The following RPL3 variants were observed in gnomAD, a reference collection of about 807,000 sequenced individuals.
RPL3 encodes large ribosomal subunit protein uL3.
In RPL3, 3 loss-of-function variants were observed where a neutral mutation model predicts 46.0. That is an observed-to-expected ratio of 0.07 (90% CI 0.03 to 0.17). The LOEUF (loss-of-function observed/expected upper bound fraction) is 0.17. Among genes scored for constraint, RPL3 ranks in the 10% least tolerant of loss-of-function variants. The pLI is 1.00. For synonymous variants in RPL3, 224 were observed against 190.8 expected (o/e 1.17, Z -1.43); for missense variants, 387 against 532.7 (o/e 0.73, Z 2.69).
Position 39,318,512 on chromosome 22 carries a change from C to T in RPL3, c.84G>A (p.Lys28=), listed in dbSNP as rs1294629090. Residue 28 remains lysine, a synonymous_variant, in exon 2 of 10, where the codon AAG becomes AAA. Coordinates refer to ENST00000216146, the MANE Select transcript of RPL3 (RefSeq NM_000967.4). Reference sequence around the variant, plus strand: ...GGTCATCCTTAGGGAAGCTCTTCACCTTCCCACGATGCCTGCTGCTGCGCT... The same window carrying T: ...GGTCATCCTTAGGGAAGCTCTTCACTTTCCCACGATGCCTGCTGCTGCGCT... ...PRKRSSRHRG[K]VKSFPKDDPS... 3.1e-6 allele frequency: 5 copies of T among 1,613,906 alleles called. No individual in the cohort carries two copies. Among genetic ancestry groups the T allele is most frequent in the Non-Finnish European group, 4.2e-6 (5 of 1,179,936 alleles).
At chr22:39,315,855 G>A (rs756036907) in intron 4 of RPL3, among the ~76,000 whole-genome samples, 1 of 152,206 alleles carries the variant, frequency 6.6e-6, no homozygotes, top group African/African-American at 2.4e-5. Context: ...CTTTGGGTCA[G>A]TTCCTTTTGG....
chr22:39,316,058 G>A (rs1462541435), intron 4 of RPL3, among the ~76,000 whole-genome samples: 1 of 152,176 alleles, frequency 6.6e-6, no homozygotes, highest in Admixed American at 6.5e-5. Context: ...TGACCAACAT[G>A]GAGAAACCCC....
intron 9 of RPL3, 46 bp downstream of exon 9, chr22:39,313,145 G>A: frequency 6.2e-7 from 1 of 1,600,538 alleles, no homozygotes; most frequent in Non-Finnish European, 8.5e-7. Context: ...GCAGGCGGCT[G>A]CCCAAGCCAC....
At position 39,313,697 on chromosome 22, in the gene RPL3, A is replaced by G. The variant is rs1922499957; in HGVS notation, c.984T>C (p.Asn328=). 1 of 1,614,130 alleles carries G rather than the reference A, an allele frequency of 6.2e-7. No homozygotes were observed. Among genetic ancestry groups the G allele is most frequent in the Non-Finnish European group, 8.5e-7 (1 of 1,180,036 alleles). ...CACAGCCTTTCAGCATGACAAAGTCATTGGTCACTTCACCATAGTGGACAA... is the reference window on the plus strand; with the variant it reads ...CACAGCCTTTCAGCATGACAAAGTCGTTGGTCACTTCACCATAGTGGACAA... ...GGFVHYGEVT[N]DFVMLKGCVV... is the part of the protein sequence containing the mutation. The change falls in exon 8 of 10, where the codon AAT becomes AAC. Residue 328 remains asparagine, a synonymous_variant. Coordinates refer to ENST00000216146, the MANE Select transcript of RPL3 (RefSeq NM_000967.4).
rs1308485411 is a variant in RPL3 at position 39,319,329 on chromosome 22, G to A, written c.3+266C>T. The A allele has an allele frequency of 2.2e-5, 13 of 593,626 alleles. No individual in the cohort carries two copies. The East Asian group carries it at 3.1e-4, about 14-fold the overall frequency. The allele number at this position is 593,626 out of a possible 1,614,324, so 36.8% of individuals were successfully genotyped here. ...AGGTCGAAACTTAGAAATGACTCAT[G>A]GCTTTAAAAACGCCGGGCCTCCAAG... On this transcript the variant is annotated intron_variant, in intron 1 of 9. Transcript: ENST00000216146.
intron 1 of RPL3, 43 bp downstream of exon 1, chr22:39,319,552 C>T: frequency 6.4e-7 from 1 of 1,559,130 alleles, no homozygotes; most frequent in Non-Finnish European, 8.7e-7. Flanking sequence ...TTCAGCCGTG[C>T]CGACGCCGGT....
chr22:39,318,265 T>A (rs1922827371), intron 2 of RPL3, 135 bp downstream of exon 2: 10 of 804,806 alleles, frequency 1.2e-5, no homozygotes, highest in South Asian at 8.8e-5. Context: ...CATTCTGCTG[T>A]CGCAGCAGTT....
At chr22:39,318,302 A>G in intron 2 of RPL3, 98 bp downstream of exon 2, 1 of 1,340,052 alleles carries the variant, frequency 7.5e-7, no homozygotes. Context: ...CCTGCTTAAA[A>G]AAAAAAGTCT....
chr22:39,314,509 A>G (rs1014361648), intron 6 of RPL3, 177 bp downstream of exon 6: 9 of 795,824 alleles, frequency 1.1e-5, no homozygotes, highest in Middle Eastern at 3.8e-4. Context: ...GCCACTCTAC[A>G]GGATGGCACC....
chr22:39,313,406 C>CAATT, intron 8 of RPL3, 96 bp from the exon 9 acceptor site: 2 of 1,557,040 alleles, frequency 1.3e-6, no homozygotes, highest in Non-Finnish European at 1.7e-6. Context: ...GCCACACGAT[C>CAATT]AATTCAGCCT....
intron 3 of RPL3, 52 bp from the exon 4 acceptor site, chr22:39,316,893 C>G: frequency 1.2e-6 from 2 of 1,612,894 alleles, no homozygotes; most frequent in Non-Finnish European, 1.7e-6. Flanking sequence ...GCCTTCATCA[C>G]CCCTCCGAGG....
intron 8 of RPL3, 84 bp from the exon 9 acceptor site, chr22:39,313,394 A>G: frequency 1.3e-6 from 2 of 1,576,116 alleles, no homozygotes; most frequent in Non-Finnish European, 1.7e-6. Flanking sequence ...TGCATCTGGG[A>G]AGCCACACGA....
rs1922576659 is a variant in RPL3, at chr22:39,314,835, G to A, written c.700C>T (p.Arg234Cys). Residue 234 changes from arginine to cysteine, a missense_variant, in exon 6 of 10, where the codon CGT becomes TGT. Transcript: ENST00000216146. ...CGGGGCAGCTTCTTGGTGTGCCAAC[G>A]ACTGGTGACCCCTGGAATGGATACA... ...KGKGYKGVTS[R>C]WHTKKLPRKT... The A allele has an allele frequency of 2.5e-6, 4 of 1,613,540 alleles. No homozygotes were observed. The highest frequency in any genetic ancestry group is 3.4e-6 in the Non-Finnish European group (4 of 1,179,832).
intron 2 of RPL3, chr22:39,318,006 A>G: frequency 2.9e-6 from 1 of 340,508 alleles, no homozygotes; most frequent in Non-Finnish European, 5.5e-6. Flanking sequence ...CAGTGCTGTT[A>G]GACATCTCTA....
At chr22:39,318,697 G>T in intron 1 of RPL3, 105 bp from the exon 2 acceptor site, 1 of 946,740 alleles carries the variant, frequency 1.1e-6, no homozygotes, top group Non-Finnish European at 1.5e-6. Context: ...GAAGAATCCT[G>T]ACCAGACACC....
chr22:39,317,191 T>C (rs766777721), intron 3 of RPL3: 32 of 564,814 alleles, frequency 5.7e-5, no homozygotes, highest in Non-Finnish European at 9.1e-5. Context: ...ATTATTCTGC[T>C]ACCTCTCCTG....
intron 4 of RPL3, among the ~76,000 whole-genome samples, chr22:39,316,196 G>T (rs1464893101): frequency 6.6e-6 from 1 of 151,378 alleles, no homozygotes. Context: ...CTGAGATAGG[G>T]CTATTGCACT....
intron 8 of RPL3, 28 bp downstream of exon 8, chr22:39,313,606 C>A: frequency 6.2e-7 from 1 of 1,604,576 alleles, no homozygotes; most frequent in Non-Finnish European, 8.5e-7. Context: ...ACAAGAGCCC[C>A]CCCATGACAA....
chr22:39,314,303 T>C, intron 6 of RPL3, 95 bp from the exon 7 acceptor site: 3 of 1,074,754 alleles, frequency 2.8e-6, no homozygotes, highest in East Asian at 4.8e-5. Flanking sequence ...AGAAGGCAGC[T>C]GAGGCCTCAG....
Sources: gnomAD v4.1 joint callset for allele counts (sites outside exome capture counted in the v4.1 genomes callset) on GRCh38, gnomAD v4.1.1 for gene constraint, MANE v1.5 for transcripts, NCBI Gene and HGNC (gene_info 2026-07-23, HGNC 2026-07-21) for gene names.